The following RELN variants were observed in gnomAD, a reference collection of about 807,000 sequenced individuals.
The protein encoded by RELN is reelin.
A neutral mutation model predicts 427.6 loss-of-function variants in RELN; 108 were observed. The ratio of observed to expected loss-of-function variants is 0.25; its 90% CI spans 0.22 to 0.30. The LOEUF is 0.30. RELN is among the 10% of genes least tolerant of loss of function. RELN has a pLI of 1.00. For missense variants in RELN, 3,715 were observed against 4,302.8 expected, an observed-to-expected ratio of 0.86 and a Z score of 3.82; for synonymous variants, 1,524 against 1,513.4, an observed-to-expected ratio of 1.01 and a Z score of -0.16.
intron 36 of RELN, among the ~76,000 whole-genome samples, chr7:103,559,004 G>C (rs1353331082): frequency 1.3e-5 from 2 of 152,164 alleles, no homozygotes; most frequent in Non-Finnish European, 2.9e-5. Flanking sequence ...AATTTAAGTA[G>C]AGCAAATTCC....
chr7:103,751,193 T>C (rs952049955), intron 5 of RELN, among the ~76,000 whole-genome samples: 1 of 152,236 alleles, frequency 6.6e-6, no homozygotes, highest in Non-Finnish European at 1.5e-5. Flanking sequence ...TAACAGACTG[T>C]CTTTTGGAAA....
chr7:103,520,058 C>CT (rs956302612), intron 48 of RELN, among the ~76,000 whole-genome samples: 27 of 151,574 alleles, frequency 1.8e-4, no homozygotes, highest in South Asian at 4.2e-4. Flanking sequence ...TTTCTTTTTC[C>CT]TTTTTTTTAA....
chr7:103,750,977 G>C (rs1044456587), intron 5 of RELN, among the ~76,000 whole-genome samples: 1 of 152,178 alleles, frequency 6.6e-6, no homozygotes, highest in African/African-American at 2.4e-5. Flanking sequence ...AATAGATGAT[G>C]AATAAGTAAA....
intron 2 of RELN, among the ~76,000 whole-genome samples, chr7:103,856,730 G>A (rs1229422285): frequency 6.6e-6 from 1 of 152,052 alleles, no homozygotes; most frequent in Non-Finnish European, 1.5e-5. Context: ...GACCAGTGCT[G>A]CAGGACACTT....
At chr7:103,866,972 A>G (rs1003413099) in intron 2 of RELN, among the ~76,000 whole-genome samples, 2 of 152,082 alleles carry the variant, frequency 1.3e-5, no homozygotes, top group African/African-American at 4.8e-5. Flanking sequence ...ACAGATCAAT[A>G]CGTTTCAAGG....
intron 24 of RELN, among the ~76,000 whole-genome samples, chr7:103,602,381 C>G (rs764335838): frequency 6.6e-6 from 1 of 152,144 alleles, no homozygotes; most frequent in African/African-American, 2.4e-5. Context: ...CACATGCACA[C>G]GTATGTTTAC....
rs201754586 is a variant in RELN at position 103,917,078 on chromosome 7, A to G, written c.334T>C (p.Phe112Leu). The G allele has an allele frequency of 8.1e-5, 131 of 1,612,172 alleles. No homozygotes were observed. Among genetic ancestry groups the G allele is most frequent in the Non-Finnish European group, 9.5e-5 (112 of 1,178,510 alleles). The change falls in exon 2 of 65, where the codon TTT becomes CTT. Residue 112 changes from phenylalanine to leucine, a missense_variant. Physicochemically the swap from Phe to Leu is conservative, Grantham distance 22 (BLOSUM62 0). Coordinates refer to ENST00000428762, the MANE Select transcript of RELN (RefSeq NM_005045.4). ...QSIGGSSAFG[F>L]GIMSDHQFGN... ...CTGGTTTGTGAGAATAGCTTACCAA[A>G]TCCGAAAGCACTGGAACCTCCAATG...
chr7:103,686,228 C>G (rs1010654372), intron 10 of RELN, among the ~76,000 whole-genome samples: 1 of 152,142 alleles, frequency 6.6e-6, no homozygotes, highest in African/African-American at 2.4e-5. Flanking sequence ...GCCTTCCCCT[C>G]CACATGAGCA....
Position 103,503,093 on chromosome 7 carries a change from A to T in RELN, c.8412T>A (p.Val2804=), listed in dbSNP as rs769922788. The T allele has an allele frequency of 1.2e-6, 2 of 1,614,168 alleles. No homozygotes were observed. Among genetic ancestry groups the T allele is most frequent in the Admixed American group, 3.3e-5 (2 of 60,020 alleles). ...TTGGAAAGAATACAGATGGCTGAGA[A>T]ACACTTCCAGAGCATTTTGGGTCAG... ...LPADPKCSGS[V]SQPSVFFPTK... Residue 2804 remains valine, a synonymous_variant, in exon 52 of 65, where the codon GTT becomes GTA. Transcript: ENST00000428762.
intron 45 of RELN, 122 bp from the exon 46 acceptor site, chr7:103,535,606 A>C: frequency 1.2e-6 from 1 of 840,056 alleles, no homozygotes; most frequent in Non-Finnish European, 1.9e-6. Flanking sequence ...TTTTCCCTAC[A>C]CTTATATTTC....
rs749960468 is a variant in RELN at position 103,489,821 on chromosome 7, T to C, written c.9684A>G (p.Gly3228=). ...CGCTGCAGAGCTTGGGGCAAGCCTC[T>C]CCAATGTACACGTGGTCAATTGCCC... ...QSWAIDHVYI[G]EACPKLCSGH... The change falls in exon 60 of 65, where the codon GGA becomes GGG. Residue 3228 remains glycine, a synonymous_variant. Transcript: ENST00000428762. 6.2e-7 allele frequency: 1 copy of C among 1,614,082 alleles called. No individual in the cohort carries two copies. The highest frequency in any genetic ancestry group is 1.3e-5 in the African/African-American group (1 of 74,940).
Position 103,539,215 on chromosome 7 carries a change from C to A in RELN, c.7043G>T (p.Gly2348Val). The change falls in exon 45 of 65, where the codon GGC (glycine) becomes GTC (valine). Residue 2348 changes from glycine (G) to valine (V), a missense_variant. By Grantham distance (109) the Gly-to-Val change is moderately radical. This residue lies in a region of RELN where 1,310 missense variants were observed against 1,643.0 expected (regional missense o/e 0.80). Coordinates refer to ENST00000428762, the MANE Select transcript of RELN (RefSeq NM_005045.4). ...GAAGACCAGGGCATCACCAGTAGAG[C>A]CACACACGGGCATCTTGGTGCCTCC... ...HPGGTKMPVC[G>V]STGDALVFIE... 1 of 1,614,240 alleles carries A rather than the reference C, an allele frequency of 6.2e-7. No individual in the cohort carries two copies.
At chr7:103,696,355 T>C (rs982905397) in intron 10 of RELN, among the ~76,000 whole-genome samples, 1 of 152,118 alleles carries the variant, frequency 6.6e-6, no homozygotes, top group African/African-American at 2.4e-5. Context: ...GAATCCCCAC[T>C]CATAAGGCTA....
rs1832672637 is a variant in RELN, at chr7:103,640,402, C to T, written c.2069+141G>A. 5 of 777,142 alleles carry T rather than the reference C, an allele frequency of 6.4e-6. No individual in the cohort carries two copies. The highest frequency in any genetic ancestry group is 1.5e-5 in the South Asian group (1 of 66,818). 48.1% of individuals were successfully genotyped at this position (777,142 alleles called of 1,614,324 possible). A position where few individuals can be genotyped will look rare whatever the true frequency, so the allele number is the denominator to read the frequency against. On this transcript the variant is annotated intron_variant, in intron 17 of 64. Coordinates refer to ENST00000428762, the MANE Select transcript of RELN (RefSeq NM_005045.4). This position sits in a 1 kb window ranked among gnomAD's most constrained non-coding sequence, Gnocchi z 4.1. ...CACTTAAAAATACATTTGAATTACACTTAAGTTCTAATAGAAATATCCAAC... is the reference window on the plus strand; with the variant it reads ...CACTTAAAAATACATTTGAATTACATTTAAGTTCTAATAGAAATATCCAAC...
At chr7:103,970,579 G>C (rs1796743677) in intron 1 of RELN, among the ~76,000 whole-genome samples, 1 of 152,150 alleles carries the variant, frequency 6.6e-6, no homozygotes, top group Admixed American at 6.5e-5. Context: ...CTAAGTAAAA[G>C]AAGGTTGTGA....
At chr7:103,672,194 C>T (rs1833407793) in intron 11 of RELN, among the ~76,000 whole-genome samples, 1 of 152,236 alleles carries the variant, frequency 6.6e-6, no homozygotes, top group African/African-American at 2.4e-5. Context: ...GCTCTATATG[C>T]AAATTTGTTT....
intron 1 of RELN, among the ~76,000 whole-genome samples, chr7:103,943,258 T>C (rs917891714): frequency 5.9e-5 from 9 of 152,068 alleles, no homozygotes; most frequent in African/African-American, 1.9e-4. Context: ...GGGTACCAAG[T>C]TGGAGATAAG....
intron 3 of RELN, among the ~76,000 whole-genome samples, chr7:103,783,453 T>C (rs1025247705): frequency 2.0e-4 from 31 of 152,196 alleles, no homozygotes; most frequent in African/African-American, 6.5e-4. Context: ...AAGGATTCTG[T>C]ATGTTTTCAC....
intron 1 of RELN, among the ~76,000 whole-genome samples, chr7:103,976,167 C>A (rs1796875416): frequency 6.6e-6 from 1 of 152,190 alleles, no homozygotes; most frequent in South Asian, 2.1e-4. Flanking sequence ...AGACTGGGAG[C>A]AACCAGAGGT....
Sources: gnomAD v4.1 joint callset for allele counts (sites outside exome capture counted in the v4.1 genomes callset) on GRCh38, gnomAD v4.1.1 for gene constraint, gnomAD v4.1.1 regional missense constraint, Gnocchi (gnomAD v3.1) non-coding constraint, MANE v1.5 for transcripts, NCBI Gene and HGNC (gene_info 2026-07-23, HGNC 2026-07-21) for gene names.